The following KCNC2 variants were observed in gnomAD, a reference collection of about 807,000 sequenced individuals.
KCNC2 encodes potassium voltage-gated channel subfamily C member 2.
KCNC2 carries 21 observed loss-of-function variants against 44.5 expected under a neutral mutation model. The ratio of observed to expected loss-of-function variants is 0.47; its 90% CI spans 0.33 to 0.68. The LOEUF (loss-of-function observed/expected upper bound fraction) is 0.68. KCNC2 is among the 30% of genes least tolerant of loss of function. The pLI is 0.01. For synonymous variants in KCNC2, 391 were observed against 339.1 expected, an observed-to-expected ratio of 1.15 and a Z score of -1.68; for missense variants, 589 against 826.2, an observed-to-expected ratio of 0.71 and a Z score of 3.52.
chr12:75,163,551 C>A (rs1025394198), intron 2 of KCNC2, among the ~76,000 whole-genome samples: 3 of 151,700 alleles, frequency 2.0e-5, no homozygotes, highest in East Asian at 3.9e-4. Context: ...ATTAAGCACA[C>A]ACATATTCCT....
intron 2 of KCNC2, among the ~76,000 whole-genome samples, chr12:75,167,278 G>T (rs1397171914): frequency 6.7e-6 from 1 of 150,372 alleles, no homozygotes; most frequent in Non-Finnish European, 1.5e-5. Context: ...TTGTCATCTT[G>T]GTTTCTATCT....
intron 1 of KCNC2, 91 bp from the exon 2 acceptor site, chr12:75,208,093 G>A (rs1315125430): frequency 6.7e-7 from 1 of 1,496,142 alleles, no homozygotes; most frequent in Non-Finnish European, 9.1e-7. Context: ...CGAGTCCAGG[G>A]ATGCAGAGTT....
intron 2 of KCNC2, among the ~76,000 whole-genome samples, chr12:75,168,690 T>A (rs991920488): frequency 6.6e-6 from 1 of 151,618 alleles, no homozygotes; most frequent in African/African-American, 2.4e-5. Context: ...TTCTCAAATA[T>A]GTTTTTAAAT....
chr12:75,207,698 G>C lies in KCNC2; in HGVS notation c.286C>G (p.Pro96Ala), dbSNP rs2031807097. The change falls in exon 2 of 5, where the codon CCC (proline) becomes GCC (alanine). Residue 96 changes from proline to alanine, a missense_variant. Transcript: ENST00000549446. The surrounding 1 kb of genome is among the most constrained non-coding windows in gnomAD (Gnocchi z 4.1). ...SSRGGRASDH[P>A]GGGREFFFDR... ...AAGAAGAACTCGCGGCCGCCACCGG[G>C]ATGGTCGCTGGCCCTGCCGCCGCGG... is the stretch of plus-strand genomic sequence containing the variant. 6.3e-7 allele frequency: 1 copy of C among 1,592,512 alleles called. No individual in the cohort carries two copies. The highest frequency in any genetic ancestry group is 1.3e-5 in the African/African-American group (1 of 74,520).
intron 2 of KCNC2, among the ~76,000 whole-genome samples, chr12:75,199,856 T>G (rs1403292711): frequency 6.6e-6 from 1 of 151,618 alleles, no homozygotes; most frequent in Non-Finnish European, 1.5e-5. Context: ...AAAGGAAAAA[T>G]AGGTATCATT....
At chr12:75,067,770 T>C (rs370251340) in intron 2 of KCNC2, among the ~76,000 whole-genome samples, 27 of 152,184 alleles carry the variant, frequency 1.8e-4, no homozygotes, top group African/African-American at 6.3e-4. Context: ...TCCCTAATGA[T>C]GTCAGTGTTT....
At chr12:75,134,473 T>C (rs1889085708) in intron 2 of KCNC2, among the ~76,000 whole-genome samples, 1 of 151,892 alleles carries the variant, frequency 6.6e-6, no homozygotes. Context: ...CATATTGAAA[T>C]TTCAGGAAAA....
At chr12:75,196,100 C>T (rs2030739354) in intron 2 of KCNC2, among the ~76,000 whole-genome samples, 1 of 152,100 alleles carries the variant, frequency 6.6e-6, no homozygotes, top group African/African-American at 2.4e-5. Flanking sequence ...CTGTGTTAAC[C>T]TCCAAATCAC....
intron 2 of KCNC2, among the ~76,000 whole-genome samples, chr12:75,153,697 A>G (rs1015925499): frequency 1.3e-5 from 2 of 151,964 alleles, no homozygotes; most frequent in African/African-American, 4.8e-5. Context: ...CCTTAATGAT[A>G]ACAATTAACA....
intron 2 of KCNC2, among the ~76,000 whole-genome samples, chr12:75,192,783 A>G (rs1171086953): frequency 6.6e-6 from 1 of 152,342 alleles, no homozygotes; most frequent in South Asian, 2.1e-4. Context: ...CATTGTAGGC[A>G]AGGAAAATCA....
At chr12:75,132,982 C>A (rs925586325) in intron 2 of KCNC2, among the ~76,000 whole-genome samples, 3 of 152,042 alleles carry the variant, frequency 2.0e-5, no homozygotes, top group African/African-American at 7.2e-5. Flanking sequence ...GATGAATTAG[C>A]GTGCAAGGTT....
intron 1 of KCNC2, among the ~76,000 whole-genome samples, chr12:75,208,957 T>C (rs958725103): frequency 6.6e-6 from 1 of 151,214 alleles, no homozygotes; most frequent in Non-Finnish European, 1.5e-5. Context: ...GGGTGGAGGG[T>C]GGGGGATTTG....
chr12:75,060,229 A>G (rs1215454445), intron 2 of KCNC2, among the ~76,000 whole-genome samples: 1 of 152,014 alleles, frequency 6.6e-6, no homozygotes. Context: ...CAACACCTTC[A>G]TCCATTGAAT....
At chr12:75,049,296 T>G (rs1880910651) in intron 3 of KCNC2, among the ~76,000 whole-genome samples, 1 of 152,166 alleles carries the variant, frequency 6.6e-6, no homozygotes, top group African/African-American at 2.4e-5. Context: ...TTTGTTAGTT[T>G]GCTTTGTTAG....
intron 2 of KCNC2, among the ~76,000 whole-genome samples, chr12:75,076,497 T>C (rs7959505): frequency 0.89 from 135,693 of 151,980 alleles, 60,621 homozygotes; most frequent in Admixed American, 0.92. Context: ...TGGTCTCGAT[T>C]TCCTGACCTC....
chr12:75,070,432 C>T (rs1883284759), intron 2 of KCNC2, among the ~76,000 whole-genome samples: 1 of 127,390 alleles, frequency 7.8e-6, no homozygotes, highest in South Asian at 2.7e-4. Context: ...GCTTGGGCAA[C>T]AAGAACAAAA....
At chr12:75,048,902 A>C (rs1880859672) in intron 3 of KCNC2, among the ~76,000 whole-genome samples, 1 of 152,130 alleles carries the variant, frequency 6.6e-6, no homozygotes, top group Non-Finnish European at 1.5e-5. Context: ...TCCTTGAAAT[A>C]AGTATCTGTT....
At chr12:75,154,914 A>G (rs551462352) in intron 2 of KCNC2, among the ~76,000 whole-genome samples, 1 of 151,924 alleles carries the variant, frequency 6.6e-6, no homozygotes, top group Non-Finnish European at 1.5e-5. Flanking sequence ...ATTTTGAAAA[A>G]CTAATTTTTT....
intron 2 of KCNC2, among the ~76,000 whole-genome samples, chr12:75,192,502 C>T (rs921179434): frequency 1.3e-5 from 2 of 152,190 alleles, no homozygotes; most frequent in Admixed American, 6.5e-5. Flanking sequence ...GTGCATGGTT[C>T]TTACAAATGT....
Sources: gnomAD v4.1 joint callset for allele counts (sites outside exome capture counted in the v4.1 genomes callset) on GRCh38, gnomAD v4.1.1 for gene constraint, Gnocchi (gnomAD v3.1) non-coding constraint, MANE v1.5 for transcripts, NCBI Gene and HGNC (gene_info 2026-07-23, HGNC 2026-07-21) for gene names.